Variants in ASB14 observed in about 807,000 individuals in gnomAD.
ASB14 encodes ankyrin repeat and SOCS box containing 14.
In ASB14, 63 loss-of-function variants were observed where a neutral mutation model predicts 55.6. That is an observed-to-expected ratio of 1.13 (90% CI 0.92 to 1.40). The LOEUF (loss-of-function observed/expected upper bound fraction) is 1.40. Ranked by LOEUF, ASB14 falls within the 40% of genes most tolerant of loss-of-function variation. ASB14 has a pLI of 0.00. For synonymous variants in ASB14, 256 were observed against 259.9 expected (o/e 0.98, Z 0.15); for missense variants, 724 against 710.4 (o/e 1.02, Z -0.22).
At chr3:57,270,237 G>A (rs2060927018) in intron 10 of ASB14, 1 of 152,666 alleles carries the variant, frequency 6.6e-6, no homozygotes, top group African/African-American at 2.4e-5. Flanking sequence ...GTTTCAAATT[G>A]TGGCAGGTGG....
intron 5 of ASB14, among the ~76,000 whole-genome samples, chr3:57,284,524 T>C (rs2107626562): frequency 6.6e-6 from 1 of 152,328 alleles, no homozygotes; most frequent in East Asian, 1.9e-4. Flanking sequence ...CTTAACTTTT[T>C]AACCCGGCAT....
chr3:57,268,499 TA>T lies in ASB14; in HGVS notation c.*1141del. On this transcript the variant is annotated 3_prime_UTR_variant, in exon 11 of 11. Transcript: ENST00000487349. ...AACAGATTGAAAAGGTATACAGTCC[TA>T]ATGTCTGGATCTTTATGTGTTGTTT... 6.3e-7 allele frequency: 1 copy of T among 1,580,938 alleles called. No homozygotes were observed. The highest frequency in any genetic ancestry group is 8.6e-7 in the Non-Finnish European group (1 of 1,168,132).
intron 10 of ASB14, chr3:57,273,157 T>C (rs889465612): frequency 3.9e-5 from 6 of 152,674 alleles, no homozygotes; most frequent in African/African-American, 1.4e-4. Context: ...GACTGGGGGT[T>C]AAGTTGTAAC....
rs1212464234 is a variant in ASB14, at chr3:57,268,398, G to T, written c.*1243C>A. ...TTAGTTTTATTCATCTGTTCTTTAG[G>T]ATCGTAGGGCATCAGAAAAACAAAA... is the stretch of plus-strand genomic sequence containing the variant. On this transcript the variant is annotated 3_prime_UTR_variant, in exon 11 of 11. Transcript: ENST00000487349. The T allele has an allele frequency of 1.3e-6, 2 of 1,562,458 alleles. No individual in the cohort carries two copies. Among genetic ancestry groups the T allele is most frequent in the East Asian group, 4.5e-5 (2 of 44,290 alleles).
rs1426648641 is a variant in ASB14, at chr3:57,268,516, T to C, written c.*1125A>G. 6.5e-7 allele frequency: 1 copy of C among 1,550,334 alleles called. No homozygotes were observed. Among genetic ancestry groups the C allele is most frequent in the Non-Finnish European group, 8.7e-7 (1 of 1,154,030 alleles). The stretch of plus-strand genomic sequence containing the variant: ...TACAGTCCTAATGTCTGGATCTTTA[T>C]GTGTTGTTTGTGAAGACTTAATTCA... On this transcript the variant is annotated 3_prime_UTR_variant, in exon 11 of 11. Coordinates refer to ENST00000487349, the MANE Select transcript of ASB14 (RefSeq NM_001142733.3).
intron 2 of ASB14, among the ~76,000 whole-genome samples, chr3:57,289,395 T>A: frequency 6.6e-6 from 1 of 152,224 alleles, no homozygotes; most frequent in South Asian, 2.1e-4. Flanking sequence ...TGGATTGCAG[T>A]AGGCCCTTAA....
At chr3:57,285,571 C>T (rs78004482) in intron 5 of ASB14, among the ~76,000 whole-genome samples, 1,755 of 152,110 alleles carry the variant, frequency 0.012, 29 homozygotes, top group Middle Eastern at 0.027. Flanking sequence ...TAATATTTAC[C>T]TTCATGTATG....
At position 57,281,346 on chromosome 3, in the gene ASB14, G is replaced by T. The variant is rs75512426; in HGVS notation, c.716-873C>A. On this transcript the variant is annotated intron_variant, in intron 6 of 10. Transcript: ENST00000487349. The stretch of plus-strand genomic sequence containing the variant: ...GATCTAGGGCTGGGGTTGTAAGGGG[G>T]GCTGGGGTTGTAAGGGGAGCTGGGA... 7.2e-3 allele frequency among the ~76,000 whole-genome samples: 1,094 copies of T among 152,138 alleles called. 13 individuals are homozygous for T. The highest frequency in any genetic ancestry group is 0.025 in the African/African-American group (1,023 of 41,496).
At chr3:57,283,062 C>G in intron 6 of ASB14, 132 bp downstream of exon 6, 1 of 1,272,168 alleles carries the variant, frequency 7.9e-7, no homozygotes, top group South Asian at 1.6e-5. Context: ...TCACTATTAA[C>G]CCATAATTTT....
In ASB14 at chr3:57,268,965, T is replaced by A. The variant is rs7643236; in HGVS notation, c.*676A>T. On this transcript the variant is annotated 3_prime_UTR_variant, in exon 11 of 11. Coordinates refer to ENST00000487349, the MANE Select transcript of ASB14 (RefSeq NM_001142733.3). ...CTTGAAGAATGCATTAAATGATCCA[T>A]GAAATTGTAAGAGCGTGTTATGGGT... 12,715 of 152,954 alleles carry A rather than the reference T, an allele frequency of 0.083. 1,773 individuals are homozygous for A. The highest frequency in any genetic ancestry group is 0.29 in the African/African-American group (11,929 of 41,480). The allele number at this position is 152,954 out of a possible 1,614,324, so 9.5% of individuals were successfully genotyped here.
intron 10 of ASB14, among the ~76,000 whole-genome samples, chr3:57,274,056 CTATT>C (rs1283725663): frequency 6.6e-6 from 1 of 151,956 alleles, no homozygotes; most frequent in Admixed American, 6.6e-5. Flanking sequence ...TAAAAAATAA[CTATT>C]CATGTCAGCT....
chr3:57,278,260 A>T, intron 8 of ASB14, 117 bp downstream of exon 8: 1 of 706,058 alleles, frequency 1.4e-6, no homozygotes, highest in Non-Finnish European at 2.3e-6. Context: ...TATAATTATT[A>T]TACTAGGATC....
Position 57,289,061 on chromosome 3 carries a change from TACTTA to T in ASB14, c.178+2_178+6del. The T allele has an allele frequency of 1.3e-6, 2 of 1,509,090 alleles. No homozygotes were observed. Among genetic ancestry groups the T allele is most frequent in the Non-Finnish European group, 1.8e-6 (2 of 1,121,632 alleles). 93.5% of individuals were successfully genotyped at this position (1,509,090 alleles called of 1,614,324 possible). On this transcript the variant is annotated splice_donor_variant and splice_donor_5th_base_variant and intron_variant, in intron 3 of 10. Coordinates refer to ENST00000487349, the MANE Select transcript of ASB14 (RefSeq NM_001142733.3). LOFTEE classifies it high-confidence loss of function. The stretch of plus-strand genomic sequence containing the variant: ...TACCACAAGTTAAAGGGGATAGGAG[TACTTA>T]ACTTTCTCTATTGTTTCAACTATCT...
intron 8 of ASB14, 82 bp downstream of exon 8, chr3:57,278,295 G>A (rs1348389462): frequency 4.6e-6 from 5 of 1,097,698 alleles, no homozygotes; most frequent in Non-Finnish European, 6.7e-6. Context: ...TCTGGAGAGA[G>A]TGGATGTAAT....
intron 7 of ASB14, 111 bp downstream of exon 7, chr3:57,280,191 G>A (rs1438763563): frequency 2.5e-6 from 1 of 398,750 alleles, no homozygotes; most frequent in Non-Finnish European, 4.1e-6. Context: ...AAAAAAGTAT[G>A]TTTAGATTGT....
intron 10 of ASB14, among the ~76,000 whole-genome samples, chr3:57,275,367 G>T (rs1023962727): frequency 6.6e-6 from 1 of 150,778 alleles, no homozygotes. Context: ...CACAAGAATC[G>T]CTTGAACCCG....
At chr3:57,280,659 G>GA (rs564794746) in intron 6 of ASB14, among the ~76,000 whole-genome samples, 186 bp from the exon 7 acceptor site, 2 of 151,964 alleles carry the variant, frequency 1.3e-5, no homozygotes, top group African/African-American at 2.4e-5. Context: ...AGTTGGGGAA[G>GA]AAAAAAATGG....
chr3:57,278,454 C>T lies in ASB14; in HGVS notation c.1354G>A (p.Asp452Asn). 1 of 1,614,196 alleles carries T rather than the reference C, an allele frequency of 6.2e-7. No homozygotes were observed. ...NYGYDTERCF[D>N]CPHGDKVHPS... ...TGGACTTTGTCTCCATGTGGGCAAT[C>T]AAAACATCGCTCTGTGTCATACCCA... Residue 452 changes from aspartate to asparagine, a missense_variant, in exon 8 of 11, where the codon GAT (aspartate) becomes AAT (asparagine). Physicochemically the swap from Asp to Asn is conservative, Grantham distance 23. Coordinates refer to ENST00000487349, the MANE Select transcript of ASB14 (RefSeq NM_001142733.3).
At chr3:57,277,650 T>A (rs2061000577) in intron 9 of ASB14, 117 bp downstream of exon 9, 4 of 886,816 alleles carry the variant, frequency 4.5e-6, no homozygotes, top group Non-Finnish European at 6.9e-6. Context: ...GAATAGTATT[T>A]TTCTGGTTTA....
Sources: allele counts gnomAD v4.1 joint callset (sites outside exome capture counted in the v4.1 genomes callset), GRCh38; gene constraint gnomAD v4.1.1; transcripts MANE v1.5; gene names NCBI Gene and HGNC (gene_info 2026-07-23, HGNC 2026-07-21).